Variants in PGM2 observed in about 807,000 individuals in gnomAD.
PGM2 encodes phosphopentomutase.
Under a neutral mutation model 74.6 loss-of-function variants are expected in PGM2, and 57 were observed. The observed-to-expected ratio is 0.76, with a 90% CI of 0.62 to 0.95. The LOEUF is 0.95. Ranked by LOEUF, PGM2 falls within the 40% of genes least tolerant of loss-of-function variation. The pLI, the probability that PGM2 is intolerant of heterozygous loss-of-function variation, is 0.00. For missense variants in PGM2, 706 were observed against 741.9 expected (o/e 0.95, Z 0.56); for synonymous variants, 273 against 260.7 (o/e 1.05, Z -0.46).
chr4:37,828,236 C>T (rs1239673210), intron 1 of PGM2, among the ~76,000 whole-genome samples: 3 of 151,996 alleles, frequency 2.0e-5, no homozygotes, highest in Admixed American at 2.0e-4. Flanking sequence ...CTTTTGAAGT[C>T]AGAGTTCATA....
At chr4:37,827,048 G>C (rs898793363) in intron 1 of PGM2, among the ~76,000 whole-genome samples, 8 of 152,268 alleles carry the variant, frequency 5.3e-5, no homozygotes, top group African/African-American at 1.9e-4. Context: ...CAGCCATCCG[G>C]CCGGCCGGAC....
intron 10 of PGM2, 100 bp downstream of exon 10, chr4:37,847,395 C>A: frequency 1.2e-6 from 1 of 824,180 alleles, no homozygotes; most frequent in Non-Finnish European, 2.0e-6. Flanking sequence ...GTTTATTTTG[C>A]CTCTCCAGCA....
chr4:37,850,763 G>C (rs927027351), intron 12 of PGM2, among the ~76,000 whole-genome samples: 1 of 152,122 alleles, frequency 6.6e-6, no homozygotes, highest in Admixed American at 6.6e-5. Context: ...GGCCGAGGCA[G>C]GTGGATCACT....
chr4:37,830,213 T>G (rs1002967261), intron 2 of PGM2, 82 bp downstream of exon 2: 20 of 1,033,878 alleles, frequency 1.9e-5, no homozygotes, highest in African/African-American at 3.2e-5. Context: ...TTATTCTAAT[T>G]ATAGACATGT....
At position 37,826,883 on chromosome 4, in the gene PGM2, C is replaced by T. The variant is rs1469783304; in HGVS notation, c.81+70C>T. On this transcript the variant is annotated intron_variant, in intron 1 of 13. Transcript: ENST00000381967. ...TGCTCTGCCCTCTCCAGGCGCGGCG[C>T]TGCTTGCTCTGCCTGAGCTGCCTTC... 5.2e-6 allele frequency: 5 copies of T among 964,730 alleles called. No homozygotes were observed. In the African/African-American group the frequency reaches 8.3e-5, roughly 16 times the overall value. The allele number at this position is 964,730 out of a possible 1,614,324, so 59.8% of individuals were successfully genotyped here. A position where few individuals can be genotyped will look rare whatever the true frequency, so the allele number is the denominator to read the frequency against.
intron 12 of PGM2, among the ~76,000 whole-genome samples, chr4:37,854,056 C>A (rs1235609874): frequency 6.6e-6 from 1 of 152,170 alleles, no homozygotes; most frequent in Non-Finnish European, 1.5e-5. Context: ...TGCCTCAGTT[C>A]TCATCCATGT....
chr4:37,858,933 T>C (rs1419918021), intron 13 of PGM2, among the ~76,000 whole-genome samples: 2 of 152,132 alleles, frequency 1.3e-5, no homozygotes, highest in Non-Finnish European at 2.9e-5. Context: ...GACCAAACTT[T>C]GTATGTAAAG....
rs75492642 is a variant in PGM2 at position 37,838,363 on chromosome 4, G to C, written c.441+750G>C. ...AAATACTATTCATGGCTAGTACAGA[G>C]AGCATGCTCGGCATATTTGAGTAAG... is the stretch of plus-strand genomic sequence containing the variant. On this transcript the variant is annotated intron_variant, in intron 4 of 13. Coordinates refer to ENST00000381967, the MANE Select transcript of PGM2 (RefSeq NM_018290.4). 5.9e-3 allele frequency among the ~76,000 whole-genome samples: 898 copies of C among 152,342 alleles called. 5 individuals are homozygous for C. Among genetic ancestry groups the C allele is most frequent in the Middle Eastern group, 0.01 (3 of 294 alleles).
At chr4:37,841,865 C>T (rs999694904) in intron 6 of PGM2, among the ~76,000 whole-genome samples, 4 of 152,172 alleles carry the variant, frequency 2.6e-5, no homozygotes, top group Admixed American at 6.5e-5. Flanking sequence ...CATGTGTGTG[C>T]GCATGTGTAT....
At chr4:37,855,913 A>G (rs886361661) in intron 13 of PGM2, among the ~76,000 whole-genome samples, 172 bp downstream of exon 13, 9 of 152,234 alleles carry the variant, frequency 5.9e-5, no homozygotes, top group African/African-American at 2.2e-4. Context: ...GCATCCAGGG[A>G]AAAGCTTACT....
chr4:37,849,088 A>AT (rs1725961689), intron 11 of PGM2, among the ~76,000 whole-genome samples: 2 of 149,962 alleles, frequency 1.3e-5, no homozygotes, highest in African/African-American at 5.0e-5. Flanking sequence ...AAAAAAAAAA[A>AT]TTTAAAAAAA....
chr4:37,833,176 A>C (rs1725478270), intron 2 of PGM2, among the ~76,000 whole-genome samples: 1 of 152,210 alleles, frequency 6.6e-6, no homozygotes. Flanking sequence ...ATCCCAGTGC[A>C]ATGTATTTGT....
chr4:37,830,131 G>A lies in PGM2; in HGVS notation c.249G>A (p.Gln83=). 3 of 1,541,368 alleles carry A rather than the reference G, an allele frequency of 1.9e-6. No individual in the cohort carries two copies. Among genetic ancestry groups the A allele is most frequent in the Non-Finnish European group, 2.6e-6 (3 of 1,146,278 alleles). The change falls in exon 2 of 14, where the codon CAG becomes CAA. Residue 83 remains glutamine, a splice_region_variant and synonymous_variant. Coordinates refer to ENST00000381967, the MANE Select transcript of PGM2 (RefSeq NM_018290.4). ...MNDLTIIQTT[Q]GFCRYLEKQF... The stretch of plus-strand genomic sequence containing the variant: ...ACTTGACCATCATCCAGACTACACA[G>A]GTACCATGTTTTTTATAATTCTTAG...
chr4:37,837,838 G>A (rs1448877674), intron 4 of PGM2, among the ~76,000 whole-genome samples: 4 of 151,942 alleles, frequency 2.6e-5, no homozygotes, highest in Admixed American at 6.6e-5. Context: ...TTTTTAAATT[G>A]CAGTTTTCCT....
intron 6 of PGM2, among the ~76,000 whole-genome samples, chr4:37,842,188 A>G (rs962014119): frequency 3.4e-5 from 5 of 146,990 alleles, no homozygotes; most frequent in Non-Finnish European, 5.9e-5. Context: ...ATATATACAT[A>G]TATGCATATA....
intron 3 of PGM2, among the ~76,000 whole-genome samples, chr4:37,835,712 G>A (rs1725551110): frequency 6.6e-6 from 1 of 152,196 alleles, no homozygotes; most frequent in African/African-American, 2.4e-5. Context: ...ATCTAAGACA[G>A]AAGCACTCGT....
intron 12 of PGM2, among the ~76,000 whole-genome samples, chr4:37,852,798 C>G (rs1484778230): frequency 6.6e-6 from 1 of 152,138 alleles, no homozygotes; most frequent in African/African-American, 2.4e-5. Flanking sequence ...AGGAACTTTT[C>G]TCTAAACTTC....
intron 8 of PGM2, 115 bp from the exon 9 acceptor site, chr4:37,846,816 T>C (rs1322024270): frequency 6.3e-6 from 5 of 789,846 alleles, no homozygotes; most frequent in Non-Finnish European, 1.0e-5. Flanking sequence ...AAGAACAGCC[T>C]TGCAGAAAAT....
intron 13 of PGM2, among the ~76,000 whole-genome samples, chr4:37,859,312 G>C (rs1176718650): frequency 2.0e-5 from 3 of 152,122 alleles, no homozygotes; most frequent in Admixed American, 2.0e-4. Context: ...TACTAGGCAG[G>C]TTTCCAGTGG....
Sources: gnomAD v4.1 joint callset for allele counts (sites outside exome capture counted in the v4.1 genomes callset) on GRCh38, gnomAD v4.1.1 for gene constraint, MANE v1.5 for transcripts, NCBI Gene and HGNC (gene_info 2026-07-23, HGNC 2026-07-21) for gene names.